SNTG2: variants seen among roughly 807,000 people sequenced by gnomAD.
SNTG2 encodes syntrophin gamma 2.
A neutral mutation model predicts 70.9 loss-of-function variants in SNTG2; 74 were observed. That is an observed-to-expected ratio of 1.04 (90% CI 0.86 to 1.27). SNTG2 has a LOEUF of 1.27. Among genes scored for constraint, SNTG2 ranks in the 50% most tolerant of loss-of-function variants. SNTG2 has a pLI of 0.00. For synonymous variants in SNTG2, 278 were observed against 273.8 expected (o/e 1.02, Z -0.15); for missense variants, 717 against 690.7 (o/e 1.04, Z -0.43).
intron 16 of SNTG2, among the ~76,000 whole-genome samples, chr2:1,336,813 A>G (rs1659841753): frequency 6.6e-6 from 1 of 152,174 alleles, no homozygotes; most frequent in African/African-American, 2.4e-5. Flanking sequence ...GTTTTTGTCT[A>G]TATTTCTGTT....
intron 14 of SNTG2, among the ~76,000 whole-genome samples, chr2:1,280,179 C>T (rs983382946): frequency 6.6e-6 from 1 of 151,612 alleles, no homozygotes; most frequent in Non-Finnish European, 1.5e-5. Context: ...TTTTGTTTCT[C>T]CTGAAAAAAA....
At chr2:1,113,810 G>C (rs1202192481) in intron 4 of SNTG2, among the ~76,000 whole-genome samples, 1 of 151,930 alleles carries the variant, frequency 6.6e-6, no homozygotes, top group Non-Finnish European at 1.5e-5. Context: ...TGTACTAAGT[G>C]AGGTTTAACC....
chr2:1,068,738 A>G (rs902904971), intron 1 of SNTG2, among the ~76,000 whole-genome samples: 4 of 152,266 alleles, frequency 2.6e-5, no homozygotes, highest in African/African-American at 7.2e-5. Context: ...CACATAGCAC[A>G]GAAGTTTCAT....
intron 1 of SNTG2, among the ~76,000 whole-genome samples, chr2:953,273 G>C (rs530890867): frequency 6.6e-6 from 1 of 152,338 alleles, no homozygotes; most frequent in Non-Finnish European, 1.5e-5. Context: ...TCAGTACAAT[G>C]TGCGAAGTGT....
At chr2:1,156,693 G>T (rs1387063111) in intron 6 of SNTG2, among the ~76,000 whole-genome samples, 1 of 152,182 alleles carries the variant, frequency 6.6e-6, no homozygotes, top group Non-Finnish European at 1.5e-5. Flanking sequence ...GGGACCAGGG[G>T]TTCGGTTTGA....
intron 1 of SNTG2, among the ~76,000 whole-genome samples, chr2:1,082,607 C>T (rs1399655478): frequency 6.6e-6 from 1 of 152,228 alleles, no homozygotes; most frequent in Non-Finnish European, 1.5e-5. Context: ...GCCCATCCCT[C>T]TCCCCCGCCA....
At chr2:1,360,575 A>G (rs1198077998) in intron 16 of SNTG2, among the ~76,000 whole-genome samples, 10 of 151,948 alleles carry the variant, frequency 6.6e-5, no homozygotes, top group Non-Finnish European at 4.4e-5. Flanking sequence ...TGCCTTTTCT[A>G]TTTCCCTTAT....
chr2:1,226,109 A>G (rs1460714223), intron 9 of SNTG2, among the ~76,000 whole-genome samples: 3 of 152,256 alleles, frequency 2.0e-5, no homozygotes, highest in Non-Finnish European at 2.9e-5. Flanking sequence ...AAGGCATTCT[A>G]TTGACCAATA....
intron 2 of SNTG2, among the ~76,000 whole-genome samples, chr2:1,092,264 A>AAG (rs200611804): frequency 0.35 from 53,163 of 150,586 alleles, 9,676 homozygotes; most frequent in East Asian, 0.63. Context: ...AGAAAAAAAA[A>AAG]CCCTTATTTT....
chr2:1,152,448 C>T (rs904069914), intron 6 of SNTG2, among the ~76,000 whole-genome samples: 2 of 152,140 alleles, frequency 1.3e-5, no homozygotes, highest in African/African-American at 4.8e-5. Flanking sequence ...GTGTGCACAT[C>T]CAGGGGCATG....
At chr2:957,350 G>A (rs1467388513) in intron 1 of SNTG2, among the ~76,000 whole-genome samples, 1 of 152,120 alleles carries the variant, frequency 6.6e-6, no homozygotes, top group Non-Finnish European at 1.5e-5. Context: ...GATGGGGAAC[G>A]GTGGTGGGAA....
intron 1 of SNTG2, among the ~76,000 whole-genome samples, chr2:953,344 T>G (rs1214512301): frequency 6.6e-6 from 1 of 152,262 alleles, no homozygotes; most frequent in East Asian, 1.9e-4. Flanking sequence ...TTGCTGCTTT[T>G]AAATGACAAC....
chr2:1,343,410 C>T (rs1660199617), intron 16 of SNTG2, among the ~76,000 whole-genome samples: 1 of 1,312 alleles, frequency 7.6e-4, no homozygotes, highest in African/African-American at 1.9e-3. Context: ...GCACGCCTGG[C>T]CCAGCTCTGT....
chr2:1,078,760 T>C (rs1664089178), intron 1 of SNTG2, among the ~76,000 whole-genome samples: 1 of 151,964 alleles, frequency 6.6e-6, no homozygotes, highest in Non-Finnish European at 1.5e-5. Context: ...ATGAGGCCAG[T>C]AAAGCAGCTT....
At chr2:1,006,029 G>A (rs1267704431) in intron 1 of SNTG2, among the ~76,000 whole-genome samples, 2 of 150,924 alleles carry the variant, frequency 1.3e-5, no homozygotes, top group Non-Finnish European at 1.5e-5. Context: ...GAAAACTCTG[G>A]AAATTGGAAA....
In SNTG2 at chr2:1,214,051, A is replaced by G. The variant is rs147486260; in HGVS notation, c.719+4821A>G. Among the ~76,000 whole-genome samples the G allele has an allele frequency of 7.2e-5, 11 of 152,270 alleles. No homozygotes were observed. In the East Asian group the frequency reaches 2.1e-3, roughly 29 times the overall value. On this transcript the variant is annotated intron_variant, in intron 9 of 16. Coordinates refer to ENST00000308624, the MANE Select transcript of SNTG2 (RefSeq NM_018968.4). ...GTTCCTGGCACTTTTGTTGAAATCA[A>G]TTGACCATAGATCTGTGGGTTTATT... is the stretch of plus-strand genomic sequence containing the variant.
intron 1 of SNTG2, among the ~76,000 whole-genome samples, chr2:996,924 C>T (rs1255155148): frequency 1.3e-5 from 2 of 151,830 alleles, no homozygotes; most frequent in Non-Finnish European, 2.9e-5. Context: ...GGATAAGATG[C>T]CTAAGGTTGT....
rs1306984854 is a variant in SNTG2 at position 1,142,169 on chromosome 2, C to T, written c.411+4360C>T. On this transcript the variant is annotated intron_variant, in intron 6 of 16. Coordinates refer to ENST00000308624, the MANE Select transcript of SNTG2 (RefSeq NM_018968.4). ...GTAAGTCCAGTCTCTATCCACCTGA[C>T]CTGGAGATTTTTCACCTACGCAAAT... 3.9e-5 allele frequency among the ~76,000 whole-genome samples: 6 copies of T among 152,200 alleles called. No individual in the cohort carries two copies. In the East Asian group the frequency reaches 1.2e-3, roughly 29 times the overall value.
intron 14 of SNTG2, among the ~76,000 whole-genome samples, chr2:1,293,121 A>G (rs1248519052): frequency 3.5e-5 from 5 of 144,464 alleles, no homozygotes; most frequent in South Asian, 4.4e-4. Flanking sequence ...AAGTTATTCA[A>G]TTTGTTAGTG....
Sources: gnomAD v4.1 joint callset for allele counts (sites outside exome capture counted in the v4.1 genomes callset) on GRCh38, gnomAD v4.1.1 for gene constraint, MANE v1.5 for transcripts, NCBI Gene and HGNC (gene_info 2026-07-23, HGNC 2026-07-21) for gene names.